PITPNC1: variants seen among roughly 807,000 people sequenced by gnomAD.
The protein encoded by PITPNC1 is cytoplasmic phosphatidylinositol transfer protein 1.
A neutral mutation model predicts 44.7 loss-of-function variants in PITPNC1; 18 were observed. The ratio of observed to expected loss-of-function variants is 0.40; its 90% confidence interval spans 0.28 to 0.60. PITPNC1 has a LOEUF of 0.60. PITPNC1 is among the 20% of genes least tolerant of loss of function. The pLI is 0.39. For synonymous variants in PITPNC1, 141 were observed against 149.6 expected, an observed-to-expected ratio of 0.94 and a Z score of 0.42; for missense variants, 290 against 418.4, an observed-to-expected ratio of 0.69 and a Z score of 2.68.
intron 1 of PITPNC1, among the ~76,000 whole-genome samples, chr17:67,408,382 T>C (rs1208548732): frequency 2.7e-5 from 4 of 149,276 alleles, no homozygotes; most frequent in Non-Finnish European, 5.9e-5. Context: ...ATACAAAAAT[T>C]AGCCAGGTGT....
Position 67,493,146 on chromosome 17 carries a change from G to C in PITPNC1, c.49-39656G>C, listed in dbSNP as rs1322101621. Reference sequence around the variant, plus strand: ...AATGGAGAATCCAATGGTAGATTCAGTAACCACTCTTTAATGTGGCTATTT... The same window carrying C: ...AATGGAGAATCCAATGGTAGATTCACTAACCACTCTTTAATGTGGCTATTT... On this transcript the variant is annotated intron_variant, in intron 1 of 8. Transcript: ENST00000581322. 2.0e-5 allele frequency among the ~76,000 whole-genome samples: 3 copies of C among 152,278 alleles called. No individual in the cohort carries two copies. In the East Asian group the frequency reaches 5.8e-4, roughly 29 times the overall value.
chr17:67,609,711 C>T (rs2041662851), intron 5 of PITPNC1, among the ~76,000 whole-genome samples: 1 of 151,678 alleles, frequency 6.6e-6, no homozygotes. Context: ...ATCCTGTGCT[C>T]TGAGTCCGGC....
At chr17:67,631,010 G>T (rs943260268) in intron 5 of PITPNC1, among the ~76,000 whole-genome samples, 3 of 151,122 alleles carry the variant, frequency 2.0e-5, no homozygotes, top group African/African-American at 7.3e-5. Flanking sequence ...CTGAGCCCAG[G>T]CCGACATTTA....
At chr17:67,395,409 A>C (rs2038204401) in intron 1 of PITPNC1, among the ~76,000 whole-genome samples, 1 of 152,124 alleles carries the variant, frequency 6.6e-6, no homozygotes, top group Non-Finnish European at 1.5e-5. Context: ...TTGGCCTCCC[A>C]AAATGCTGGG....
chr17:67,409,920 T>C (rs2038467121), intron 1 of PITPNC1, among the ~76,000 whole-genome samples: 1 of 152,230 alleles, frequency 6.6e-6, no homozygotes, highest in South Asian at 2.1e-4. Context: ...CTTTGTTCCA[T>C]ACAGATTGGG....
At chr17:67,574,188 C>T (rs1199545572) in intron 4 of PITPNC1, among the ~76,000 whole-genome samples, 1 of 152,172 alleles carries the variant, frequency 6.6e-6, no homozygotes, top group Non-Finnish European at 1.5e-5. Context: ...CATTCTCCAC[C>T]TGGGGCAACT....
At chr17:67,440,560 C>A (rs1481328883) in intron 1 of PITPNC1, among the ~76,000 whole-genome samples, 2 of 151,042 alleles carry the variant, frequency 1.3e-5, no homozygotes, top group South Asian at 2.1e-4. Context: ...GAGACAGGGT[C>A]TCACTCCATT....
chr17:67,425,207 A>G (rs745977721), intron 1 of PITPNC1, among the ~76,000 whole-genome samples: 12,072 of 31,900 alleles, frequency 0.38, 1,542 homozygotes, highest in African/African-American at 0.45. Context: ...GCACACGCAC[A>G]CACACACACA....
intron 5 of PITPNC1, among the ~76,000 whole-genome samples, chr17:67,610,258 A>G (rs2041670084): frequency 6.6e-6 from 1 of 152,186 alleles, no homozygotes; most frequent in African/African-American, 2.4e-5. Context: ...TTGTGTGCGC[A>G]TGAAAGCACC....
chr17:67,550,641 C>G (rs922541776), intron 2 of PITPNC1, among the ~76,000 whole-genome samples: 1 of 152,082 alleles, frequency 6.6e-6, no homozygotes, highest in Non-Finnish European at 1.5e-5. Context: ...TATACGTCGT[C>G]TTCCTGGATC....
At chr17:67,454,387 A>T (rs2143957426) in intron 1 of PITPNC1, among the ~76,000 whole-genome samples, 1 of 152,290 alleles carries the variant, frequency 6.6e-6, no homozygotes, top group East Asian at 1.9e-4. Flanking sequence ...TGGTTTCCTG[A>T]TCTATAAAAT....
chr17:67,524,084 G>A (rs970170299), intron 1 of PITPNC1, among the ~76,000 whole-genome samples: 3 of 152,020 alleles, frequency 2.0e-5, no homozygotes, highest in Admixed American at 1.3e-4. Context: ...TGCTGGGATT[G>A]CAGGCGTGAG....
At position 67,675,499 on chromosome 17, in the gene PITPNC1, G is replaced by A; in HGVS notation, c.639G>A (p.Leu213=). 6.2e-7 allele frequency: 1 copy of A among 1,610,844 alleles called. No individual in the cohort carries two copies. Among genetic ancestry groups the A allele is most frequent in the East Asian group, 2.2e-5 (1 of 44,872 alleles). The change falls in exon 8 of 9, where the codon CTG becomes CTA. Residue 213 remains leucine (L), a synonymous_variant. Transcript: ENST00000581322. Reference sequence around the variant, plus strand: ...TTTAGGTGGTCCGAGACATTCTGCTGATTGGACATAGACAGGCTTTTGCAT... The same window carrying A: ...TTTAGGTGGTCCGAGACATTCTGCTAATTGGACATAGACAGGCTTTTGCAT... ...FVHKVVRDIL[L]IGHRQAFAWV...
At chr17:67,671,885 T>TA (rs1216199195) in intron 7 of PITPNC1, among the ~76,000 whole-genome samples, 1 of 152,206 alleles carries the variant, frequency 6.6e-6, no homozygotes, top group Non-Finnish European at 1.5e-5. Flanking sequence ...TGTGGCTTTT[T>TA]AAGGTAAAAA....
At chr17:67,397,726 T>A (rs1431487490) in intron 1 of PITPNC1, among the ~76,000 whole-genome samples, 1 of 152,168 alleles carries the variant, frequency 6.6e-6, no homozygotes, top group Non-Finnish European at 1.5e-5. Flanking sequence ...ATCAGGATGT[T>A]CAACTTGCTT....
At chr17:67,548,319 G>A (rs1454741951) in intron 2 of PITPNC1, among the ~76,000 whole-genome samples, 4 of 152,206 alleles carry the variant, frequency 2.6e-5, no homozygotes, top group African/African-American at 4.8e-5. Context: ...GGCTGGCCAT[G>A]GTAGCTCATG....
chr17:67,537,737 T>G (rs1348595768), intron 2 of PITPNC1, among the ~76,000 whole-genome samples: 1 of 151,708 alleles, frequency 6.6e-6, no homozygotes. Flanking sequence ...CTTTGGGAGG[T>G]CGAGGTGGGC....
intron 2 of PITPNC1, 58 bp downstream of exon 2, chr17:67,533,008 G>A (rs945456758): frequency 2.9e-5 from 41 of 1,432,976 alleles, no homozygotes; most frequent in Non-Finnish European, 3.6e-5. Context: ...ACCCCATGGT[G>A]TGACAGTGGA....
chr17:67,625,114 T>C (rs2041880677), intron 5 of PITPNC1, among the ~76,000 whole-genome samples: 1 of 152,032 alleles, frequency 6.6e-6, no homozygotes, highest in African/African-American at 2.4e-5. Flanking sequence ...GACACCAAAA[T>C]CCACTGCAGA....
Sources: gnomAD v4.1 joint callset for allele counts (sites outside exome capture counted in the v4.1 genomes callset) on GRCh38, gnomAD v4.1.1 for gene constraint, MANE v1.5 for transcripts, NCBI Gene and HGNC (gene_info 2026-07-23, HGNC 2026-07-21) for gene names.